Variants in NOL4L observed in about 807,000 individuals in gnomAD.
NOL4L encodes nucleolar protein 4 like.
In NOL4L, 7 loss-of-function variants were observed where a neutral mutation model predicts 64.5. The ratio of observed to expected loss-of-function variants is 0.11; its 90% CI spans 0.06 to 0.20. NOL4L has a LOEUF of 0.20. Ranked by LOEUF, NOL4L falls within the 10% of genes least tolerant of loss-of-function variation. The pLI, the probability that NOL4L is intolerant of heterozygous loss-of-function variation, is 1.00. For missense variants in NOL4L, 680 were observed against 967.1 expected (o/e 0.70, Z 3.94); for synonymous variants, 413 against 401.0 (o/e 1.03, Z -0.36).
intron 5 of NOL4L, among the ~76,000 whole-genome samples, chr20:32,456,673 A>T (rs1016057757): frequency 1.3e-5 from 2 of 152,208 alleles, no homozygotes; most frequent in African/African-American, 4.8e-5. Context: ...CGCAAGCGTT[A>T]TGTCCAGGCT....
intron 4 of NOL4L, among the ~76,000 whole-genome samples, chr20:32,498,615 T>C (rs1427195145): frequency 1.3e-5 from 2 of 149,654 alleles, no homozygotes; most frequent in East Asian, 2.0e-4. Flanking sequence ...TGCAAAAAAT[T>C]AGCCAGGTGT....
At position 32,445,387 on chromosome 20, in the gene NOL4L, C is replaced by T. The variant is rs1311069802; in HGVS notation, c.*2209G>A. 6.6e-6 allele frequency: 1 copy of T among 152,160 alleles called. No individual in the cohort carries two copies. The highest frequency in any genetic ancestry group is 2.4e-5 in the African/African-American group (1 of 41,428). 9.4% of individuals were successfully genotyped at this position (152,160 alleles called of 1,614,324 possible). Reference sequence around the variant, plus strand: ...GGTTCATGTCTAGCTTGGGTACTGCCTCTGGGAGGAGAAGTGACACGTTAA... The same window carrying T: ...GGTTCATGTCTAGCTTGGGTACTGCTTCTGGGAGGAGAAGTGACACGTTAA... On this transcript the variant is annotated 3_prime_UTR_variant, in exon 11 of 11. Coordinates refer to ENST00000621426, the MANE Select transcript of NOL4L (RefSeq NM_001256798.2).
At chr20:32,570,934 T>C (rs1294042914) in intron 1 of NOL4L, among the ~76,000 whole-genome samples, 2 of 152,098 alleles carry the variant, frequency 1.3e-5, no homozygotes, top group Non-Finnish European at 2.9e-5. Flanking sequence ...GCAGGTCCCA[T>C]TAGCACTCCC....
chr20:32,555,152 A>G (rs1399539851), intron 1 of NOL4L, among the ~76,000 whole-genome samples: 1 of 151,408 alleles, frequency 6.6e-6, no homozygotes, highest in Admixed American at 6.6e-5. Context: ...TGCCTGAAAC[A>G]CCCTTTCTTT....
chr20:32,445,073 C>T lies in NOL4L; in HGVS notation c.*2523G>A, dbSNP rs2012271723. ...AGTTTCACTGGAAAGGAGGAGCCCA[C>T]CCAAGAGGTGGGGTCGACATGATGA... On this transcript the variant is annotated 3_prime_UTR_variant, in exon 11 of 11. Transcript: ENST00000621426. The T allele has an allele frequency of 6.6e-6, 1 of 152,254 alleles. No homozygotes were observed. Among genetic ancestry groups the T allele is most frequent in the Non-Finnish European group, 1.5e-5 (1 of 68,044 alleles). 9.4% of individuals were successfully genotyped at this position (152,254 alleles called of 1,614,324 possible).
chr20:32,549,995 T>A (rs1208114843), intron 1 of NOL4L, among the ~76,000 whole-genome samples: 1 of 152,124 alleles, frequency 6.6e-6, no homozygotes, highest in Non-Finnish European at 1.5e-5. Context: ...ATAGCCAAAA[T>A]GTGGAAACAA....
At chr20:32,579,025 T>A (rs1980303385) in intron 1 of NOL4L, among the ~76,000 whole-genome samples, 1 of 152,156 alleles carries the variant, frequency 6.6e-6, no homozygotes, top group African/African-American at 2.4e-5. Flanking sequence ...CTGCTGAGAC[T>A]CCGGGGATGG....
At chr20:32,496,118 G>C (rs2016679459) in intron 4 of NOL4L, among the ~76,000 whole-genome samples, 1 of 152,120 alleles carries the variant, frequency 6.6e-6, no homozygotes, top group African/African-American at 2.4e-5. Flanking sequence ...GCAGGCCCTG[G>C]GAGAGCTGCC....
chr20:32,579,290 G>A (rs1212074836), intron 1 of NOL4L, among the ~76,000 whole-genome samples: 1 of 152,192 alleles, frequency 6.6e-6, no homozygotes, highest in African/African-American at 2.4e-5. Context: ...CCTGCACATA[G>A]ATAGGAACAG....
At chr20:32,562,780 C>T (rs1212717321) in intron 1 of NOL4L, among the ~76,000 whole-genome samples, 1 of 151,520 alleles carries the variant, frequency 6.6e-6, no homozygotes, top group Non-Finnish European at 1.5e-5. Context: ...TCGGCCCTCC[C>T]CATTCTGCTC....
chr20:32,584,155 A>G (rs1980728244), intron 1 of NOL4L, among the ~76,000 whole-genome samples: 1 of 124,490 alleles, frequency 8.0e-6, no homozygotes. Context: ...ACACACACAC[A>G]CACACACACA....
At chr20:32,574,457 C>G (rs1308971086) in intron 1 of NOL4L, among the ~76,000 whole-genome samples, 1 of 152,164 alleles carries the variant, frequency 6.6e-6, no homozygotes, top group African/African-American at 2.4e-5. Flanking sequence ...CATAACACAG[C>G]CTTGCAGGGT....
At chr20:32,490,774 T>G (rs1357941121) in intron 4 of NOL4L, among the ~76,000 whole-genome samples, 2 of 152,390 alleles carry the variant, frequency 1.3e-5, no homozygotes, top group East Asian at 3.9e-4. Flanking sequence ...TCAAAAAGTC[T>G]TGCTTTAAAA....
Position 32,463,361 on chromosome 20 carries a change from C to A in NOL4L, c.842-6966G>T, listed in dbSNP as rs1313251439. 1.3e-5 allele frequency among the ~76,000 whole-genome samples: 2 copies of A among 152,294 alleles called. No individual in the cohort carries two copies. Among genetic ancestry groups the A allele is most frequent in the African/African-American group, 4.8e-5 (2 of 41,572 alleles). On this transcript the variant is annotated intron_variant, in intron 5 of 10. Transcript: ENST00000621426. This position sits in a 1 kb window ranked among gnomAD's most constrained non-coding sequence, Gnocchi z 5.8. ...CACCCTTGAGGCCAACCTGCTGGGG[C>A]CCAGTGTGATGAAAGCAGGGTGGGC...
At chr20:32,448,810 G>T (rs2012577924) in intron 10 of NOL4L, among the ~76,000 whole-genome samples, 1 of 152,244 alleles carries the variant, frequency 6.6e-6, no homozygotes, top group South Asian at 2.1e-4. Context: ...TTCCCAAGAA[G>T]CTCCTGGCTT....
chr20:32,525,885 G>A (rs2018114626), intron 2 of NOL4L, among the ~76,000 whole-genome samples: 1 of 152,176 alleles, frequency 6.6e-6, no homozygotes, highest in East Asian at 1.9e-4. Flanking sequence ...AGCCTCCCAA[G>A]TAGCTGGGAT....
intron 1 of NOL4L, chr20:32,537,098 G>C: frequency 4.1e-6 from 4 of 985,292 alleles, no homozygotes; most frequent in Non-Finnish European, 4.8e-6. Flanking sequence ...CTTTGTGCAG[G>C]GCGGTACCAT....
At chr20:32,523,041 G>A (rs1357618163) in intron 2 of NOL4L, among the ~76,000 whole-genome samples, 2 of 152,200 alleles carry the variant, frequency 1.3e-5, no homozygotes, top group Admixed American at 1.3e-4. Flanking sequence ...CCTTCTTGCT[G>A]CCTGGCCAGC....
rs745616559 is a variant in NOL4L at position 32,453,657 on chromosome 20, G to A, written c.1224C>T (p.Asp408=). 1.5e-5 allele frequency: 24 copies of A among 1,596,126 alleles called. No homozygotes were observed. The East Asian group carries it at 2.3e-4, about 15-fold the overall frequency. The part of the protein sequence containing the change: ...VGRAPTADDD[D]DDHDDHEDND... Reference sequence around the variant, plus strand: ...TGTCCTCATGGTCATCGTGGTCATCGTCGTCATCATCTGCCGTCGGGGCCC... The same window carrying A: ...TGTCCTCATGGTCATCGTGGTCATCATCGTCATCATCTGCCGTCGGGGCCC... Residue 408 remains aspartate, a synonymous_variant, in exon 7 of 11, where the codon GAC becomes GAT. Coordinates refer to ENST00000621426, the MANE Select transcript of NOL4L (RefSeq NM_001256798.2). The surrounding 1 kb of genome is among the most constrained non-coding windows in gnomAD (Gnocchi z 5.6).
Sources: allele counts gnomAD v4.1 joint callset (sites outside exome capture counted in the v4.1 genomes callset), GRCh38; gene constraint gnomAD v4.1.1; non-coding constraint Gnocchi (gnomAD v3.1); transcripts MANE v1.5; gene names NCBI Gene and HGNC (gene_info 2026-07-23, HGNC 2026-07-21).